ADAMTS13: variants seen among roughly 807,000 people sequenced by gnomAD.
The protein encoded by ADAMTS13 is ADAM metallopeptidase with thrombospondin type 1 motif 13.
Under a neutral mutation model 155.1 loss-of-function variants are expected in ADAMTS13, and 110 were observed. That is an observed-to-expected ratio of 0.71 (90% CI 0.61 to 0.83). The LOEUF is 0.83. ADAMTS13 is among the 40% of genes least tolerant of loss of function. The pLI, the probability that ADAMTS13 is intolerant of heterozygous loss-of-function variation, is 0.00. For synonymous variants in ADAMTS13, 758 were observed against 756.4 expected (o/e 1.00, Z -0.03); for missense variants, 1,707 against 1,891.7 (o/e 0.90, Z 1.81).
At chr9:133,434,650 T>C (rs1554788463) in intron 11 of ADAMTS13, among the ~76,000 whole-genome samples, 1 of 152,198 alleles carries the variant, frequency 6.6e-6, no homozygotes, top group African/African-American at 2.4e-5. Flanking sequence ...TAGCATGAAA[T>C]CAAGCATTTT....
chr9:133,423,579 C>T (rs1356123864), intron 2 of ADAMTS13, among the ~76,000 whole-genome samples: 1 of 152,212 alleles, frequency 6.6e-6, no homozygotes, highest in Non-Finnish European at 1.5e-5. Flanking sequence ...TGATAAAGGC[C>T]TGTCCCCATT....
intron 21 of ADAMTS13, 112 bp from the exon 22 acceptor site, chr9:133,448,487 C>G: frequency 1.4e-6 from 2 of 1,432,108 alleles, no homozygotes; most frequent in Non-Finnish European, 9.7e-7. Flanking sequence ...GTGGCAGAGC[C>G]GGGATTGAAA....
chr9:133,442,585 G>A, intron 17 of ADAMTS13, 29 bp from the exon 18 acceptor site: 1 of 1,613,326 alleles, frequency 6.2e-7, no homozygotes, highest in Non-Finnish European at 8.5e-7. Context: ...CTGCAGGGAG[G>A]CGGCCTAGCC....
At position 133,440,399 on chromosome 9, in the gene ADAMTS13, C is replaced by T. The variant is rs1554790355; in HGVS notation, c.1842C>T (p.Asn614=). The change falls in exon 16 of 29, where the codon AAC becomes AAT. Residue 614 remains asparagine, a synonymous_variant. Coordinates refer to ENST00000355699, the MANE Select transcript of ADAMTS13 (RefSeq NM_139027.6). The surrounding 1 kb of genome is among the most constrained non-coding windows in gnomAD (Gnocchi z 4.3). The part of the protein sequence containing the change: ...VVAGKMSISP[N]TTYPSLLEDG... The stretch of plus-strand genomic sequence containing the variant: ...CTGGGAAGATGAGCATCTCCCCTAA[C>T]ACCACCTACCCCTCCCTCCTGGAGG... The T allele has an allele frequency of 6.2e-7, 1 of 1,613,948 alleles. No individual in the cohort carries two copies. Among genetic ancestry groups the T allele is most frequent in the Non-Finnish European group, 8.5e-7 (1 of 1,180,026 alleles).
chr9:133,429,629 T>G, intron 7 of ADAMTS13: 1 of 495,494 alleles, frequency 2.0e-6, no homozygotes. Context: ...CGCGTACATG[T>G]ATCCCTGCGT....
intron 13 of ADAMTS13, 90 bp from the exon 14 acceptor site, chr9:133,438,156 A>T (rs1841394095): frequency 6.2e-7 from 1 of 1,608,492 alleles, no homozygotes; most frequent in Admixed American, 1.7e-5. Flanking sequence ...GGTTTTGTGG[A>T]TCCCAGAATC....
At chr9:133,417,170 C>A (rs1839679839), upstream of ADAMTS13, among the ~76,000 whole-genome samples, 2 of 152,204 alleles carry the variant, frequency 1.3e-5, no homozygotes, top group Non-Finnish European at 2.9e-5. Context: ...CGCCATCACG[C>A]CCGGCTAATA....
In ADAMTS13 at chr9:133,440,262, G is replaced by A. The variant is rs782616416; in HGVS notation, c.1787-82G>A. On this transcript the variant is annotated intron_variant, in intron 15 of 28. Transcript: ENST00000355699. This position sits in a 1 kb window ranked among gnomAD's most constrained non-coding sequence, Gnocchi z 4.3. Reference sequence around the variant, plus strand: ...TCCTTAGAGGAGGGCTGGGGACCCCGGGAAGGAGAGTCACTGACATGTGCC... The same window carrying A: ...TCCTTAGAGGAGGGCTGGGGACCCCAGGAAGGAGAGTCACTGACATGTGCC... 58 of 1,581,022 alleles carry A rather than the reference G, an allele frequency of 3.7e-5. No individual in the cohort carries two copies. The highest frequency in any genetic ancestry group is 7.8e-5 in the South Asian group (7 of 90,208).
At chr9:133,439,527 G>T (rs969594089) in intron 15 of ADAMTS13, 81 bp downstream of exon 15, 126 of 1,278,740 alleles carry the variant, frequency 9.9e-5, no homozygotes, top group Non-Finnish European at 1.3e-4. Context: ...CCTCACTTCT[G>T]ACATCACCCG....
At chr9:133,444,778 C>A (rs1841939886) in intron 19 of ADAMTS13, 85 bp from the exon 20 acceptor site, 3 of 1,434,314 alleles carry the variant, frequency 2.1e-6, no homozygotes, top group South Asian at 1.2e-5. Flanking sequence ...AGCAGGTCCC[C>A]TTCCTCCCTG....
rs2130797068 is a variant in ADAMTS13 at position 133,428,703 on chromosome 9, C to A, written c.756C>A (p.Asp252Glu). ...CGPSGHVMAS[D>E]GAAPRAGLAW... ...CCAGCGGACACGTGATGGCTTCGGACGGCGCCGCGCCCCGCGCCGGCCTCG... is the reference window on the plus strand; with the variant it reads ...CCAGCGGACACGTGATGGCTTCGGAAGGCGCCGCGCCCCGCGCCGGCCTCG... The change falls in exon 7 of 29, where the codon GAC (aspartate) becomes GAA (glutamate). Residue 252 changes from aspartate to glutamate, a missense_variant. Physicochemically the swap from Asp to Glu is conservative, Grantham distance 45. Coordinates refer to ENST00000355699, the MANE Select transcript of ADAMTS13 (RefSeq NM_139027.6). 2 of 1,353,302 alleles carry A rather than the reference C, an allele frequency of 1.5e-6. No individual in the cohort carries two copies. Among genetic ancestry groups the A allele is most frequent in the African/African-American group, 1.5e-5 (1 of 65,782 alleles). 83.8% of individuals were successfully genotyped at this position (1,353,302 alleles called of 1,614,324 possible).
rs1052109462 is a variant in ADAMTS13, at chr9:133,455,420, C to T, written c.3385C>T (p.Pro1129Ser). ...GACTGTGCGTGGCTGCTGGGCTGGG[C>T]CCTGTGTGGGACAGGGTACGCCCAG... ...PVTVRGCWAG[P>S]CVGQGACGRQ... is the part of the protein sequence containing the mutation. Residue 1129 changes from proline (P) to serine (S), a missense_variant, in exon 25 of 29, where the codon CCC becomes TCC. Physicochemically the swap from Pro to Ser is moderately conservative, Grantham distance 74. Around this residue, in one of 3 missense-constraint regions of ADAMTS13, gnomAD observed 961 missense variants for 1,107.9 expected, o/e 0.87. Transcript: ENST00000355699. 3.1e-6 allele frequency: 5 copies of T among 1,612,416 alleles called. No homozygotes were observed. In the African/African-American group the frequency reaches 6.7e-5, roughly 22 times the overall value.
chr9:133,443,458 C>T lies in ADAMTS13; in HGVS notation c.2317C>T (p.Gln773Ter), dbSNP rs1376759965. The T allele has an allele frequency of 3.8e-6, 6 of 1,592,372 alleles. No individual in the cohort carries two copies. In the African/African-American group the frequency reaches 6.7e-5, roughly 18 times the overall value. Residue 773 changes from glutamine (Q) to a stop codon, truncating the protein, a stop_gained, in exon 19 of 29, where the codon CAG (glutamine) becomes TAG (stop). Transcript: ENST00000355699. LOFTEE classifies it high-confidence loss of function. Reference sequence around the variant, plus strand: ...GCGGCCAGTGCGCTGCGTGGAGGCCCAGGGCAGCCTCCTGAAGACATTGCC... The same window carrying T: ...GCGGCCAGTGCGCTGCGTGGAGGCCTAGGGCAGCCTCCTGAAGACATTGCC... The part of the protein sequence containing the change: ...RERPVRCVEA[Q>*]GSLLKTLPPA...
chr9:133,415,355 AT>A (rs1554781339), intron 1 of ADAMTS13, among the ~76,000 whole-genome samples: 1 of 151,630 alleles, frequency 6.6e-6, no homozygotes, highest in African/African-American at 2.4e-5. Flanking sequence ...TCTAGAAAGA[AT>A]TTTGGAGTTA....
In ADAMTS13 at chr9:133,424,158, C is replaced by T. The variant is rs766518939; in HGVS notation, c.173-163C>T. Among the ~76,000 whole-genome samples the T allele has an allele frequency of 5.9e-5, 9 of 152,216 alleles. No individual in the cohort carries two copies. Among genetic ancestry groups the T allele is most frequent in the Non-Finnish European group, 8.8e-5 (6 of 68,034 alleles). ...AGCTCCTCCTGGGCCCTGCCCTTTG[C>T]GTGCCTAGTCACTAATGGGGTCTGG... On this transcript the variant is annotated intron_variant, in intron 2 of 28. Transcript: ENST00000355699. The surrounding 1 kb of genome is among the most constrained non-coding windows in gnomAD (Gnocchi z 4.3).
intron 6 of ADAMTS13, among the ~76,000 whole-genome samples, chr9:133,426,903 A>G (rs891548339): frequency 2.0e-5 from 3 of 151,978 alleles, no homozygotes; most frequent in Non-Finnish European, 4.4e-5. Context: ...TCCTGGGTGC[A>G]AGTGATTCTC....
At chr9:133,454,965 C>T (rs1489932157) in intron 24 of ADAMTS13, among the ~76,000 whole-genome samples, 12 of 152,116 alleles carry the variant, frequency 7.9e-5, no homozygotes, top group Admixed American at 7.9e-4. Context: ...GGGGCTCGCT[C>T]ATGGTGTGGA....
rs36218901 is a variant in ADAMTS13 at position 133,425,674 on chromosome 9, C to T, written c.414+62C>T. 1.3e-3 allele frequency: 1,951 copies of T among 1,551,998 alleles called. 20 individuals are homozygous for T. In the African/African-American group the frequency reaches 0.023, roughly 18 times the overall value. On this transcript the variant is annotated intron_variant, in intron 4 of 28. Coordinates refer to ENST00000355699, the MANE Select transcript of ADAMTS13 (RefSeq NM_139027.6). This position sits in a 1 kb window ranked among gnomAD's most constrained non-coding sequence, Gnocchi z 4.6. ...GCGGGAAGCCCAAGTCATCGCATCTCCATCCTCTTTAACCTCTTGTCCCGG... is the reference window on the plus strand; with the variant it reads ...GCGGGAAGCCCAAGTCATCGCATCTTCATCCTCTTTAACCTCTTGTCCCGG...
chr9:133,458,633 G>C (rs1258276986), intron 28 of ADAMTS13, among the ~76,000 whole-genome samples: 3 of 149,700 alleles, frequency 2.0e-5, no homozygotes, highest in African/African-American at 2.5e-5. Context: ...GCTAACCCAA[G>C]ACTGAAGCAT....
Sources: allele counts gnomAD v4.1 joint callset (sites outside exome capture counted in the v4.1 genomes callset), GRCh38; gene constraint gnomAD v4.1.1; regional missense constraint gnomAD v4.1.1; non-coding constraint Gnocchi (gnomAD v3.1); transcripts MANE v1.5; gene names NCBI Gene and HGNC (gene_info 2026-07-23, HGNC 2026-07-21).